Variants in PLEKHA3 observed in about 807,000 individuals in gnomAD.
PLEKHA3 encodes the protein pleckstrin homology domain containing A3.
In PLEKHA3, 19 loss-of-function variants were observed where a neutral mutation model predicts 39.2. The ratio of observed to expected loss-of-function variants is 0.48; its 90% CI spans 0.34 to 0.71. PLEKHA3 has a LOEUF of 0.71. PLEKHA3 is among the 30% of genes least tolerant of loss of function. The pLI, the probability that PLEKHA3 is intolerant of heterozygous loss-of-function variation, is 0.01. For synonymous variants in PLEKHA3, 97 were observed against 118.6 expected, an observed-to-expected ratio of 0.82 and a Z score of 1.18; for missense variants, 253 against 359.5, an observed-to-expected ratio of 0.70 and a Z score of 2.40.
At chr2:178,481,657 T>A (rs1685164786) in intron 1 of PLEKHA3, among the ~76,000 whole-genome samples, 1 of 152,016 alleles carries the variant, frequency 6.6e-6, no homozygotes, top group Non-Finnish European at 1.5e-5. Flanking sequence ...TAAATTTGAG[T>A]TGTAGTCCAA....
chr2:178,507,064 C>G lies in PLEKHA3; in HGVS notation c.*3177C>G, dbSNP rs1685613520. 6.6e-6 allele frequency: 1 copy of G among 152,042 alleles called. No homozygotes were observed. The highest frequency in any genetic ancestry group is 1.5e-5 in the Non-Finnish European group (1 of 68,000). 9.4% of individuals were successfully genotyped at this position (152,042 alleles called of 1,614,324 possible). ...GTGAAAAAGTGTAGTTCCCTCTTCC[C>G]CAGTTTAGCATTCCAAAGACAAACA... On this transcript the variant is annotated 3_prime_UTR_variant, in exon 8 of 8. Coordinates refer to ENST00000234453, the MANE Select transcript of PLEKHA3 (RefSeq NM_019091.4).
intron 1 of PLEKHA3, among the ~76,000 whole-genome samples, chr2:178,484,128 G>T (rs1283465637): frequency 6.6e-6 from 1 of 152,014 alleles, no homozygotes; most frequent in African/African-American, 2.4e-5. Flanking sequence ...TCACTTTTGG[G>T]GTATTCATTC....
In PLEKHA3 at chr2:178,504,552, A is replaced by T. The variant is rs1018217774; in HGVS notation, c.*665A>T. On this transcript the variant is annotated 3_prime_UTR_variant, in exon 8 of 8. Transcript: ENST00000234453. ...ATTTATTTTCTTGTTGCCTCAAAAG[A>T]TGATTGCATTCTAACTTTTGTGACC... The T allele has an allele frequency of 6.6e-6, 1 of 152,382 alleles. No homozygotes were observed. The highest frequency in any genetic ancestry group is 6.6e-5 in the Admixed American group (1 of 15,230). 9.4% of individuals were successfully genotyped at this position (152,382 alleles called of 1,614,324 possible).
rs1281935729 is a variant in PLEKHA3 at position 178,480,798 on chromosome 2, C to G, written c.-72C>G. ...CCGGGCGGGCCGGGAGGGGCTGCCCCAGGCCCTGCGCCTACCCCATCACCG... is the reference window on the plus strand; with the variant it reads ...CCGGGCGGGCCGGGAGGGGCTGCCCGAGGCCCTGCGCCTACCCCATCACCG... On this transcript the variant is annotated 5_prime_UTR_variant, in exon 1 of 8. Coordinates refer to ENST00000234453, the MANE Select transcript of PLEKHA3 (RefSeq NM_019091.4). 4.7e-6 allele frequency: 6 copies of G among 1,275,400 alleles called. No homozygotes were observed. The Admixed American group carries it at 1.6e-4, about 33-fold the overall frequency. The allele number at this position is 1,275,400 out of a possible 1,614,324, so 79.0% of individuals were successfully genotyped here.
Position 178,480,760 on chromosome 2 carries a change from C to T in PLEKHA3, c.-110C>T, listed in dbSNP as rs1390575711. 110 of 971,652 alleles carry T rather than the reference C, an allele frequency of 1.1e-4. No individual in the cohort carries two copies. Among genetic ancestry groups the T allele is most frequent in the Non-Finnish European group, 2.7e-5 (20 of 740,624 alleles). 60.2% of individuals were successfully genotyped at this position (971,652 alleles called of 1,614,324 possible). A position where few individuals can be genotyped will look rare whatever the true frequency, so the allele number is the denominator to read the frequency against. On this transcript the variant is annotated 5_prime_UTR_variant, in exon 1 of 8. Transcript: ENST00000234453. ...GCGCAGGCAGAAAGCGGCTTCGTGC[C>T]GGCGGAGGGGGCCCGGGCGGGCCGG...
chr2:178,481,064 C>T (rs1685155167), intron 1 of PLEKHA3, among the ~76,000 whole-genome samples, 155 bp downstream of exon 1: 1 of 152,250 alleles, frequency 6.6e-6, no homozygotes, highest in Middle Eastern at 3.4e-3. Context: ...CTGGCCTCTT[C>T]AGGGGAGGGT....
chr2:178,496,511 T>G (rs1355494870), intron 5 of PLEKHA3, among the ~76,000 whole-genome samples: 1 of 132,004 alleles, frequency 7.6e-6, no homozygotes, highest in Non-Finnish European at 1.5e-5. Flanking sequence ...CCAGCAAATT[T>G]AGTTATGAGA....
At chr2:178,499,120 TG>T in intron 5 of PLEKHA3, 90 bp from the exon 6 acceptor site, 1 of 1,252,704 alleles carries the variant, frequency 8.0e-7, no homozygotes, top group Non-Finnish European at 1.1e-6. Context: ...AGTAAATTTA[TG>T]TTTATTATGA....
At chr2:178,490,902 C>A in intron 3 of PLEKHA3, 88 bp downstream of exon 3, 1 of 1,018,276 alleles carries the variant, frequency 9.8e-7, no homozygotes, top group Non-Finnish European at 1.4e-6. Flanking sequence ...CTTTTAGTAT[C>A]TATCCCAAGG....
At chr2:178,494,675 A>T (rs879646554) in intron 4 of PLEKHA3, among the ~76,000 whole-genome samples, 1 of 152,168 alleles carries the variant, frequency 6.6e-6, no homozygotes, top group Non-Finnish European at 1.5e-5. Context: ...CACTTGCTAC[A>T]GCAGCTCAGT....
intron 3 of PLEKHA3, among the ~76,000 whole-genome samples, chr2:178,491,962 AACTC>A (rs957787521): frequency 2.0e-5 from 3 of 152,148 alleles, no homozygotes; most frequent in South Asian, 2.1e-4. Context: ...AGAGGTTGAG[AACTC>A]ACTCACTCCT....
intron 1 of PLEKHA3, among the ~76,000 whole-genome samples, chr2:178,483,703 A>G (rs1017358077): frequency 1.3e-5 from 2 of 152,336 alleles, no homozygotes; most frequent in South Asian, 4.1e-4. Context: ...GTGTTTGGAA[A>G]GATAATGTTT....
chr2:178,481,436 C>T (rs1384821441), intron 1 of PLEKHA3, among the ~76,000 whole-genome samples: 2 of 152,172 alleles, frequency 1.3e-5, no homozygotes, highest in East Asian at 3.8e-4. Flanking sequence ...ATAATATTCT[C>T]TTAGGGATTG....
chr2:178,510,163 C>G lies in PLEKHA3; in HGVS notation c.*6276C>G, dbSNP rs891726771. 6.6e-6 allele frequency: 1 copy of G among 152,180 alleles called. No individual in the cohort carries two copies. The highest frequency in any genetic ancestry group is 2.4e-5 in the African/African-American group (1 of 41,410). The allele number at this position is 152,180 out of a possible 1,614,324, so 9.4% of individuals were successfully genotyped here. Reference sequence around the variant, plus strand: ...GTGTCGGGATTACAGATGTGAGCCACCGTGCCCAGCCGACCCTGCATTTAA... The same window carrying G: ...GTGTCGGGATTACAGATGTGAGCCAGCGTGCCCAGCCGACCCTGCATTTAA... On this transcript the variant is annotated 3_prime_UTR_variant, in exon 8 of 8. Transcript: ENST00000234453.
chr2:178,503,518 A>C (rs1476785058), intron 7 of PLEKHA3, among the ~76,000 whole-genome samples: 1 of 151,976 alleles, frequency 6.6e-6, no homozygotes, highest in Non-Finnish European at 1.5e-5. Flanking sequence ...TGAACAAAAC[A>C]AAAATCTCTA....
In PLEKHA3 at chr2:178,504,808, G is replaced by A. The variant is rs1685580676; in HGVS notation, c.*921G>A. The A allele has an allele frequency of 6.6e-6, 1 of 152,284 alleles. No homozygotes were observed. The highest frequency in any genetic ancestry group is 6.6e-5 in the Admixed American group (1 of 15,224). 9.4% of individuals were successfully genotyped at this position (152,284 alleles called of 1,614,324 possible). Reference sequence around the variant, plus strand: ...TTATTTATGAATATTTATACAAAAAGGAATTCTGTCAAGATGACTGCTCTA... The same window carrying A: ...TTATTTATGAATATTTATACAAAAAAGAATTCTGTCAAGATGACTGCTCTA... On this transcript the variant is annotated 3_prime_UTR_variant, in exon 8 of 8. Transcript: ENST00000234453.
chr2:178,494,502 G>C, intron 4 of PLEKHA3, among the ~76,000 whole-genome samples: 1 of 151,972 alleles, frequency 6.6e-6, no homozygotes, highest in Admixed American at 6.5e-5. Flanking sequence ...CCACTCTCTG[G>C]GTGAAAGGCC....
intron 6 of PLEKHA3, among the ~76,000 whole-genome samples, chr2:178,499,724 C>CTA (rs796631073): frequency 8.5e-5 from 13 of 152,224 alleles, no homozygotes; most frequent in African/African-American, 3.1e-4. Context: ...GAACAATAGG[C>CTA]TATACCACAT....
intron 2 of PLEKHA3, among the ~76,000 whole-genome samples, chr2:178,486,554 T>C (rs1685253268): frequency 6.6e-6 from 1 of 152,148 alleles, no homozygotes; most frequent in Non-Finnish European, 1.5e-5. Flanking sequence ...TCCTGAAAGG[T>C]AGCGATTAAT....
Sources: allele counts gnomAD v4.1 joint callset (sites outside exome capture counted in the v4.1 genomes callset), GRCh38; gene constraint gnomAD v4.1.1; transcripts MANE v1.5; gene names NCBI Gene and HGNC (gene_info 2026-07-23, HGNC 2026-07-21).